Variants in SPAG16 observed in about 807,000 individuals in gnomAD.
The protein encoded by SPAG16 is sperm associated antigen 16.
Under a neutral mutation model 80.4 loss-of-function variants are expected in SPAG16, and 86 were observed. The ratio of observed to expected loss-of-function variants is 1.07; its 90% CI spans 0.90 to 1.28. The LOEUF is 1.28. Among genes scored for constraint, SPAG16 ranks in the 50% most tolerant of loss-of-function variants. SPAG16 has a pLI of 0.00. For missense variants in SPAG16, 870 were observed against 765.3 expected, an observed-to-expected ratio of 1.14 and a Z score of -1.61; for synonymous variants, 294 against 265.9, an observed-to-expected ratio of 1.11 and a Z score of -1.03.
intron 12 of SPAG16, among the ~76,000 whole-genome samples, chr2:213,970,725 C>T (rs539215247): frequency 5.9e-5 from 9 of 152,154 alleles, no homozygotes; most frequent in African/African-American, 2.2e-4. Flanking sequence ...AGATGTCCTT[C>T]CAAGGATATG....
At chr2:214,071,081 A>C (rs947805641) in intron 13 of SPAG16, among the ~76,000 whole-genome samples, 1 of 152,192 alleles carries the variant, frequency 6.6e-6, no homozygotes. Context: ...AAAGGAGTCT[A>C]TCCACACAAA....
chr2:214,291,596 C>G (rs891885908), intron 15 of SPAG16, among the ~76,000 whole-genome samples: 5 of 152,096 alleles, frequency 3.3e-5, no homozygotes, highest in Non-Finnish European at 7.4e-5. Context: ...TGAGCCACCG[C>G]GCCCGGCCTA....
At chr2:213,347,813 G>A (rs2065082391) in intron 6 of SPAG16, among the ~76,000 whole-genome samples, 1 of 152,162 alleles carries the variant, frequency 6.6e-6, no homozygotes, top group Admixed American at 6.6e-5. Context: ...CAACTGTGTG[G>A]TCAGTTTTGG....
chr2:214,048,567 A>G (rs1279280439), intron 13 of SPAG16, among the ~76,000 whole-genome samples: 1 of 151,880 alleles, frequency 6.6e-6, no homozygotes, highest in Non-Finnish European at 1.5e-5. Flanking sequence ...AGGGGGTAGT[A>G]GACGGGTGGC....
intron 14 of SPAG16, among the ~76,000 whole-genome samples, chr2:214,120,179 C>T (rs904234310): frequency 2.0e-5 from 3 of 151,668 alleles, no homozygotes; most frequent in Non-Finnish European, 4.4e-5. Flanking sequence ...GTTGAATCTT[C>T]TCATTCACTT....
At chr2:213,512,031 G>C (rs2075245457) in intron 10 of SPAG16, among the ~76,000 whole-genome samples, 1 of 151,914 alleles carries the variant, frequency 6.6e-6, no homozygotes, top group South Asian at 2.1e-4. Flanking sequence ...CCCTTTTATA[G>C]AGAAGCACAG....
intron 15 of SPAG16, among the ~76,000 whole-genome samples, chr2:214,288,481 T>G (rs12471519): frequency 0.043 from 6,613 of 152,182 alleles, 409 homozygotes; most frequent in East Asian, 0.2. Context: ...AGTATTATTT[T>G]TGATTTTTTG....
chr2:214,153,772 G>A lies in SPAG16; in HGVS notation c.1720+4506G>A, dbSNP rs6748741. ...TAATCAGTAAAGTTATATGTAATGC[G>A]ATATATACATATATATTTTAAGTCA... On this transcript the variant is annotated intron_variant, in intron 15 of 15. Transcript: ENST00000331683. Among the ~76,000 whole-genome samples, 779 of 152,136 alleles carry A rather than the reference G, an allele frequency of 5.1e-3. 12 individuals carry two copies. Among genetic ancestry groups the A allele is most frequent in the Middle Eastern group, 0.02 (6 of 294 alleles).
chr2:213,547,156 ATAACC>A (rs1228504856), intron 10 of SPAG16, among the ~76,000 whole-genome samples: 2 of 152,160 alleles, frequency 1.3e-5, no homozygotes, highest in Admixed American at 1.3e-4. Flanking sequence ...TTATCAGAAG[ATAACC>A]TAATATATCA....
intron 3 of SPAG16, among the ~76,000 whole-genome samples, chr2:213,303,987 T>A (rs1467307943): frequency 1.3e-5 from 2 of 152,120 alleles, no homozygotes; most frequent in Admixed American, 6.6e-5. Flanking sequence ...TTGTACTAAT[T>A]TACATTTCCA....
At chr2:213,483,105 T>C (rs1407345512) in intron 9 of SPAG16, among the ~76,000 whole-genome samples, 2 of 152,176 alleles carry the variant, frequency 1.3e-5, no homozygotes, top group African/African-American at 2.4e-5. Flanking sequence ...CTTTCCTATG[T>C]CCGTATTCTT....
intron 12 of SPAG16, among the ~76,000 whole-genome samples, chr2:213,948,443 T>C (rs375816652): frequency 5.3e-4 from 80 of 152,352 alleles, no homozygotes; most frequent in African/African-American, 1.7e-3. Context: ...TACGAAATTC[T>C]TTTTAAAAAT....
intron 15 of SPAG16, among the ~76,000 whole-genome samples, chr2:214,188,764 AATCTCTGTTACTGC>A (rs2057560713): frequency 6.6e-6 from 1 of 152,146 alleles, no homozygotes; most frequent in Non-Finnish European, 1.5e-5. Context: ...CAAATTTGAA[AATCTCTGTTACTGC>A]AATTACTTCC....
At chr2:213,376,098 G>C (rs1233267274) in intron 9 of SPAG16, among the ~76,000 whole-genome samples, 1 of 151,148 alleles carries the variant, frequency 6.6e-6, no homozygotes, top group East Asian at 1.9e-4. Flanking sequence ...TTATAATCTT[G>C]TGCTTTTTCA....
chr2:214,161,946 A>G (rs1265095514), intron 15 of SPAG16, among the ~76,000 whole-genome samples: 2 of 152,048 alleles, frequency 1.3e-5, no homozygotes. Context: ...AAGAATATCA[A>G]CCCTGCTGTT....
chr2:213,530,723 A>T (rs552070828), intron 10 of SPAG16, among the ~76,000 whole-genome samples: 1 of 152,204 alleles, frequency 6.6e-6, no homozygotes, highest in Non-Finnish European at 1.5e-5. Context: ...ATTTTCTATT[A>T]TCTAGTAACT....
intron 15 of SPAG16, among the ~76,000 whole-genome samples, chr2:214,342,898 A>T (rs1353436357): frequency 6.6e-6 from 1 of 152,222 alleles, no homozygotes; most frequent in Admixed American, 6.5e-5. Flanking sequence ...CATATTAATA[A>T]AGTTGGGTGT....
At chr2:213,970,104 G>A (rs2044945090) in intron 12 of SPAG16, among the ~76,000 whole-genome samples, 1 of 152,074 alleles carries the variant, frequency 6.6e-6, no homozygotes, top group East Asian at 1.9e-4. Context: ...CTCAGACTTT[G>A]TTTATAAGGG....
At chr2:214,315,065 T>A (rs1006142882) in intron 15 of SPAG16, among the ~76,000 whole-genome samples, 2 of 152,100 alleles carry the variant, frequency 1.3e-5, no homozygotes, top group African/African-American at 4.8e-5. Context: ...ATTCCTGGTT[T>A]CATTTATTTT....
Sources: gnomAD v4.1 joint callset for allele counts (sites outside exome capture counted in the v4.1 genomes callset) on GRCh38, gnomAD v4.1.1 for gene constraint, MANE v1.5 for transcripts, NCBI Gene and HGNC (gene_info 2026-07-23, HGNC 2026-07-21) for gene names.